SPIRE2: variants seen among roughly 807,000 people sequenced by gnomAD.
SPIRE2 encodes the protein spire type actin nucleation factor 2, also known as protein spire homolog 2.
In SPIRE2, 76 loss-of-function variants were observed where a neutral mutation model predicts 80.7. That is an observed-to-expected ratio of 0.94 (90% CI 0.78 to 1.14). The LOEUF (loss-of-function observed/expected upper bound fraction) is 1.14, where lower values mean the gene tolerates loss of function less well. Ranked by LOEUF, SPIRE2 falls within the 50% of genes most tolerant of loss-of-function variation. SPIRE2 has a pLI of 0.00. For missense variants in SPIRE2, 1,196 were observed against 1,015.3 expected (o/e 1.18, Z -2.42); for synonymous variants, 535 against 432.6 (o/e 1.24, Z -2.94).
In SPIRE2 at chr16:89,861,450, A is replaced by C. The variant is rs72813421; in HGVS notation, c.1575+655A>C. On this transcript the variant is annotated intron_variant, in intron 10 of 14. Coordinates refer to ENST00000378247, the MANE Select transcript of SPIRE2 (RefSeq NM_032451.2). ...TATGAGCCTTATATAAATGCAAGGC[A>C]CTGTGCGTATCCCCACCGAAACGCA... 8.3e-3 allele frequency among the ~76,000 whole-genome samples: 1,272 copies of C among 152,350 alleles called. 6 individuals carry two copies. Among genetic ancestry groups the C allele is most frequent in the Non-Finnish European group, 0.015 (987 of 68,022 alleles).
At chr16:89,839,469 T>C (rs951276826) in intron 1 of SPIRE2, among the ~76,000 whole-genome samples, 7 of 151,634 alleles carry the variant, frequency 4.6e-5, no homozygotes, top group African/African-American at 1.7e-4. Context: ...GCGGCGCTGA[T>C]TTGAAAGTTG....
At chr16:89,844,916 C>T (rs1428726329) in intron 1 of SPIRE2, among the ~76,000 whole-genome samples, 1 of 152,208 alleles carries the variant, frequency 6.6e-6, no homozygotes, top group Non-Finnish European at 1.5e-5. Flanking sequence ...CACTCTTACT[C>T]CCAGCCATGT....
chr16:89,864,648 AG>A (rs1332750181), intron 12 of SPIRE2, among the ~76,000 whole-genome samples: 1 of 152,232 alleles, frequency 6.6e-6, no homozygotes, highest in Admixed American at 6.5e-5. Context: ...CATAATTCAC[AG>A]GGCACTAACT....
At chr16:89,865,195 A>G (rs2041778780) in intron 12 of SPIRE2, among the ~76,000 whole-genome samples, 2 of 151,884 alleles carry the variant, frequency 1.3e-5, no homozygotes, top group Admixed American at 6.6e-5. Context: ...TTTAGTAGAG[A>G]TGGGGTTTCA....
intron 9 of SPIRE2, 40 bp from the exon 10 acceptor site, chr16:89,860,643 C>T: frequency 7.3e-7 from 1 of 1,378,580 alleles, no homozygotes; most frequent in Non-Finnish European, 1.0e-6. Flanking sequence ...TACCACAGCT[C>T]CTGCCAGGCA....
intron 5 of SPIRE2, among the ~76,000 whole-genome samples, chr16:89,854,963 G>T (rs1192897152): frequency 6.6e-6 from 1 of 151,974 alleles, no homozygotes; most frequent in East Asian, 1.9e-4. Flanking sequence ...TTTTGAGACG[G>T]AGTCTCGCTC....
intron 1 of SPIRE2, among the ~76,000 whole-genome samples, chr16:89,837,147 G>A (rs1027649838): frequency 1.3e-5 from 2 of 152,176 alleles, no homozygotes; most frequent in Non-Finnish European, 2.9e-5. Context: ...AGGCTCCGTT[G>A]TCAGGCCTGT....
intron 1 of SPIRE2, among the ~76,000 whole-genome samples, chr16:89,833,086 G>A (rs906306153): frequency 6.0e-5 from 9 of 151,196 alleles, no homozygotes; most frequent in Admixed American, 4.6e-4. Context: ...TGCCTCCCCA[G>A]GTTCAAGTGA....
intron 7 of SPIRE2, 144 bp from the exon 8 acceptor site, chr16:89,858,194 A>AT: frequency 2.1e-6 from 2 of 937,672 alleles, no homozygotes; most frequent in Non-Finnish European, 1.6e-6. Context: ...CTAGTTCCTC[A>AT]TTTTTTTAAA....
At position 89,863,877 on chromosome 16, in the gene SPIRE2, A is replaced by G; in HGVS notation, c.1778+16A>G. On this transcript the variant is annotated intron_variant, in intron 12 of 14. Coordinates refer to ENST00000378247, the MANE Select transcript of SPIRE2 (RefSeq NM_032451.2). The surrounding 1 kb of genome is among the most constrained non-coding windows in gnomAD (Gnocchi z 4.3). ...TCTGCAAGAGGTGAGCCTTCCCTTT[A>G]GCTGTCAGTTCACAAGGGAAGGAGG... 2.5e-6 allele frequency: 4 copies of G among 1,607,532 alleles called. No individual in the cohort carries two copies. Among genetic ancestry groups the G allele is most frequent in the Non-Finnish European group, 3.4e-6 (4 of 1,175,490 alleles).
At chr16:89,865,456 TA>T (rs1389026769) in intron 12 of SPIRE2, among the ~76,000 whole-genome samples, 1 of 151,708 alleles carries the variant, frequency 6.6e-6, no homozygotes, top group African/African-American at 2.4e-5. Context: ...ACCACTAAAA[TA>T]AAACAGTTAC....
chr16:89,850,167 G>A, intron 2 of SPIRE2, 137 bp from the exon 3 acceptor site: 1 of 767,072 alleles, frequency 1.3e-6, no homozygotes, highest in Non-Finnish European at 2.3e-6. Context: ...TCCATGTCTT[G>A]CTTGTGCCTT....
At position 89,870,538 on chromosome 16, in the gene SPIRE2, A is replaced by G; in HGVS notation, c.*266A>G. 1 of 395,098 alleles carries G rather than the reference A, an allele frequency of 2.5e-6. No homozygotes were observed. Among genetic ancestry groups the G allele is most frequent in the South Asian group, 3.2e-5 (1 of 31,182 alleles). The allele number at this position is 395,098 out of a possible 1,614,324, so 24.5% of individuals were successfully genotyped here. On this transcript the variant is annotated 3_prime_UTR_variant, in exon 15 of 15. Coordinates refer to ENST00000378247, the MANE Select transcript of SPIRE2 (RefSeq NM_032451.2). ...GGGAACAGGGTGGGTTTTCTCACTG[A>G]AGAGAGAAAGCAGAAGGTTCTAGAT...
In SPIRE2 at chr16:89,828,908, C is replaced by A. The variant is rs1019589448; in HGVS notation, c.244+114C>A. The stretch of plus-strand genomic sequence containing the variant: ...TGCGACCGGTTCTGGAGCGGGAGAT[C>A]CCCTTCTCTGCGGGACCCGGAGCTC... On this transcript the variant is annotated intron_variant, in intron 1 of 14. Coordinates refer to ENST00000378247, the MANE Select transcript of SPIRE2 (RefSeq NM_032451.2). The surrounding 1 kb of genome is among the most constrained non-coding windows in gnomAD (Gnocchi z 5.9). 4 of 866,406 alleles carry A rather than the reference C, an allele frequency of 4.6e-6. No individual in the cohort carries two copies. Among genetic ancestry groups the A allele is most frequent in the Non-Finnish European group, 5.9e-6 (4 of 679,550 alleles). 53.7% of individuals were successfully genotyped at this position (866,406 alleles called of 1,614,324 possible).
chr16:89,849,372 T>A (rs536242364), intron 2 of SPIRE2, among the ~76,000 whole-genome samples: 2 of 152,204 alleles, frequency 1.3e-5, no homozygotes. Flanking sequence ...TCCGTCCCTG[T>A]CCCCACGTCA....
chr16:89,835,150 G>A (rs1237169644), intron 1 of SPIRE2, among the ~76,000 whole-genome samples: 4 of 148,602 alleles, frequency 2.7e-5, no homozygotes, highest in African/African-American at 7.6e-5. Flanking sequence ...CCGCACTCAC[G>A]GTTGGCCGTC....
Position 89,855,515 on chromosome 16 carries a change from T to A in SPIRE2, c.892-85T>A. ...GCGGGTAGGTGCGAAGACCAGGCTG[T>A]CCTTGGGCTGAGCAGGCCTCTCCCA... On this transcript the variant is annotated intron_variant, in intron 5 of 14. Coordinates refer to ENST00000378247, the MANE Select transcript of SPIRE2 (RefSeq NM_032451.2). 2.4e-6 allele frequency: 3 copies of A among 1,239,540 alleles called. No individual in the cohort carries two copies. In the South Asian group the frequency reaches 3.9e-5, roughly 16 times the overall value. 76.8% of individuals were successfully genotyped at this position (1,239,540 alleles called of 1,614,324 possible).
At chr16:89,861,736 T>C (rs1393071747) in intron 10 of SPIRE2, among the ~76,000 whole-genome samples, 1 of 152,194 alleles carries the variant, frequency 6.6e-6, no homozygotes, top group Non-Finnish European at 1.5e-5. Flanking sequence ...AAATCGGGGC[T>C]GGAGGAGCCG....
At chr16:89,855,298 TTC>T (rs1195879011) in intron 5 of SPIRE2, among the ~76,000 whole-genome samples, 2 of 152,036 alleles carry the variant, frequency 1.3e-5, no homozygotes, top group Non-Finnish European at 2.9e-5. Context: ...GCCGGCATGG[TTC>T]TTATGATGCC....
Sources: gnomAD v4.1 joint callset for allele counts (sites outside exome capture counted in the v4.1 genomes callset) on GRCh38, gnomAD v4.1.1 for gene constraint, Gnocchi (gnomAD v3.1) non-coding constraint, MANE v1.5 for transcripts, NCBI Gene and HGNC (gene_info 2026-07-23, HGNC 2026-07-21) for gene names.